The following COA8 variants were observed in gnomAD, a reference collection of about 807,000 sequenced individuals.
COA8 encodes the protein UPF0671 protein C14orf153.
A neutral mutation model predicts 22.0 loss-of-function variants in COA8; 20 were observed. The observed-to-expected ratio is 0.91, with a 90% confidence interval of 0.64 to 1.32. COA8 has a LOEUF of 1.32. Among genes scored for constraint, COA8 ranks in the 40% most tolerant of loss-of-function variants. The pLI is 0.00. For synonymous variants in COA8, 105 were observed against 79.9 expected, an observed-to-expected ratio of 1.31 and a Z score of -1.68; for missense variants, 266 against 230.0, an observed-to-expected ratio of 1.16 and a Z score of -1.01.
intron 3 of COA8, among the ~76,000 whole-genome samples, chr14:103,580,139 C>A (rs896797530): frequency 3.6e-4 from 54 of 151,958 alleles, no homozygotes. Context: ...TGCAGTGGCG[C>A]GATCGTGGCT....
At chr14:103,583,292 C>T (rs1466365628) in intron 3 of COA8, among the ~76,000 whole-genome samples, 1 of 152,238 alleles carries the variant, frequency 6.6e-6, no homozygotes, top group Non-Finnish European at 1.5e-5. Context: ...GTAATCCCAG[C>T]TCTTTGGGAG....
chr14:103,589,921 A>G (rs1250715099), intron 4 of COA8, among the ~76,000 whole-genome samples: 2 of 152,102 alleles, frequency 1.3e-5, no homozygotes, highest in East Asian at 3.8e-4. Flanking sequence ...CTCAAAAAAA[A>G]AAAACACCAA....
intron 3 of COA8, among the ~76,000 whole-genome samples, chr14:103,586,729 C>T (rs76482771): frequency 8.2e-4 from 125 of 151,898 alleles, no homozygotes; most frequent in African/African-American, 2.8e-3. Context: ...CTGCCACCCC[C>T]CACCGGCCCC....
At chr14:103,582,117 A>C (rs1460571244) in intron 3 of COA8, among the ~76,000 whole-genome samples, 1 of 151,136 alleles carries the variant, frequency 6.6e-6, no homozygotes, top group East Asian at 2.0e-4. Flanking sequence ...TCCTCATGGG[A>C]AGTGCTGGAG....
chr14:103,590,096 C>A, intron 4 of COA8, 85 bp from the exon 5 acceptor site: 2 of 1,146,968 alleles, frequency 1.7e-6, no homozygotes, highest in Non-Finnish European at 2.6e-6. Flanking sequence ...TGAACTCATC[C>A]TCAACTGGGA....
At chr14:103,586,188 A>G (rs1595150040) in intron 3 of COA8, among the ~76,000 whole-genome samples, 3 of 130,370 alleles carry the variant, frequency 2.3e-5, no homozygotes, top group Non-Finnish European at 4.8e-5. Flanking sequence ...GGCGTGAGCC[A>G]CTGCACCTGG....
At chr14:103,574,742 C>T (rs1031073785) in intron 3 of COA8, 1 of 282,978 alleles carries the variant, frequency 3.5e-6, no homozygotes, top group Admixed American at 5.0e-5. Flanking sequence ...ATGCCAGGAC[C>T]TCTGTTGCTA....
Position 103,574,313 on chromosome 14 carries a change from G to C in COA8, c.385+143G>C, listed in dbSNP as rs1157235390. On this transcript the variant is annotated intron_variant, in intron 3 of 4. Transcript: ENST00000409074. ...TTGGGGCAGTGCTCGGCACACCCCT[G>C]TCCAAGTTCTCTTGCACACCCAGTT... 5 of 1,103,508 alleles carry C rather than the reference G, an allele frequency of 4.5e-6. No individual in the cohort carries two copies. In the Admixed American group the frequency reaches 7.0e-5, roughly 16 times the overall value. The allele number at this position is 1,103,508 out of a possible 1,614,324, so 68.4% of individuals were successfully genotyped here.
chr14:103,574,695 C>T (rs1030420742), intron 3 of COA8: 8 of 313,304 alleles, frequency 2.6e-5, no homozygotes, highest in African/African-American at 1.8e-4. Context: ...TCACCTGATT[C>T]ATTTGGAATA....
chr14:103,585,421 G>A (rs2076298573), intron 3 of COA8, among the ~76,000 whole-genome samples: 1 of 150,126 alleles, frequency 6.7e-6, no homozygotes, highest in Non-Finnish European at 1.5e-5. Context: ...GGAGGTTGTG[G>A]TGAGCCGAGA....
chr14:103,568,661 ACT>A (rs1287687795), intron 1 of COA8, among the ~76,000 whole-genome samples: 3 of 146,962 alleles, frequency 2.0e-5, no homozygotes, highest in African/African-American at 7.6e-5. Context: ...ACAGGGTCTC[ACT>A]CTGTCACCCA....
Position 103,566,593 on chromosome 14 carries a change from T to C in COA8, c.123+3469T>C, listed in dbSNP as rs148615758. On this transcript the variant is annotated intron_variant, in intron 1 of 4. Coordinates refer to ENST00000409074, the MANE Select transcript of COA8 (RefSeq NM_001370595.2). Reference sequence around the variant, plus strand: ...CAGGTTCTTCATGAGGTGCCAGAGATACAGAAATGAATGTGTGTGCCTCTT... The same window carrying C: ...CAGGTTCTTCATGAGGTGCCAGAGACACAGAAATGAATGTGTGTGCCTCTT... Among the ~76,000 whole-genome samples the C allele has an allele frequency of 1.8e-3, 268 of 152,344 alleles. 2 individuals are homozygous for C. Among genetic ancestry groups the C allele is most frequent in the African/African-American group, 6.2e-3 (256 of 41,586 alleles).
At chr14:103,574,316 C>A in intron 3 of COA8, 146 bp downstream of exon 3, 4 of 1,082,704 alleles carry the variant, frequency 3.7e-6, no homozygotes, top group African/African-American at 1.5e-5. Flanking sequence ...CACCCCTGTC[C>A]AAGTTCTCTT....
intron 3 of COA8, among the ~76,000 whole-genome samples, chr14:103,586,741 G>A (rs1240388902): frequency 1.3e-5 from 2 of 151,076 alleles, no homozygotes; most frequent in South Asian, 2.1e-4. Context: ...ACCGGCCCCA[G>A]TATTTTTAGT....
intron 3 of COA8, among the ~76,000 whole-genome samples, chr14:103,575,903 G>A (rs1595142664): frequency 6.6e-6 from 1 of 152,008 alleles, no homozygotes; most frequent in Non-Finnish European, 1.5e-5. Context: ...GAGTTTTGCC[G>A]TGTTGCCCAG....
chr14:103,587,270 T>C lies in COA8; in HGVS notation c.386-4T>C, dbSNP rs2076314670. On this transcript the variant is annotated splice_region_variant and splice_polypyrimidine_tract_variant and intron_variant, in intron 3 of 4. Coordinates refer to ENST00000409074, the MANE Select transcript of COA8 (RefSeq NM_001370595.2). ...TTAATGTTTAAGCTGAAATTACCTT[T>C]CAGGTCAGAAAGCAACATTGAATGC... 1.2e-6 allele frequency: 2 copies of C among 1,610,100 alleles called. No homozygotes were observed. The highest frequency in any genetic ancestry group is 1.7e-6 in the Non-Finnish European group (2 of 1,178,560).
At chr14:103,565,705 G>A (rs112056296) in intron 1 of COA8, among the ~76,000 whole-genome samples, 1,949 of 148,398 alleles carry the variant, frequency 0.013, 47 homozygotes, top group African/African-American at 0.046. Context: ...AACCTCCACC[G>A]CCCGGGTTCA....
rs377692821 is a variant in COA8 at position 103,571,834 on chromosome 14, T to G, written c.321+14T>G. On this transcript the variant is annotated intron_variant, in intron 2 of 4. Transcript: ENST00000409074. ...ACTTTTAGTAAGGTAAGTTTAAGTTTTAGATCAGAACGGAAGGGTGCGGTG... is the reference window on the plus strand; with the variant it reads ...ACTTTTAGTAAGGTAAGTTTAAGTTGTAGATCAGAACGGAAGGGTGCGGTG... The G allele has an allele frequency of 6.2e-7, 1 of 1,611,714 alleles. No individual in the cohort carries two copies. Among genetic ancestry groups the G allele is most frequent in the African/African-American group, 1.3e-5 (1 of 74,904 alleles).
intron 1 of COA8, among the ~76,000 whole-genome samples, chr14:103,566,043 TC>T (rs2076133004): frequency 6.6e-6 from 1 of 152,222 alleles, no homozygotes; most frequent in South Asian, 2.1e-4. Context: ...ACCTGAGTTT[TC>T]ATAAGAACAA....
Sources: gnomAD v4.1 joint callset for allele counts (sites outside exome capture counted in the v4.1 genomes callset) on GRCh38, gnomAD v4.1.1 for gene constraint, MANE v1.5 for transcripts, NCBI Gene and HGNC (gene_info 2026-07-23, HGNC 2026-07-21) for gene names.